CSMD1: variants seen among roughly 807,000 people sequenced by gnomAD.
The protein encoded by CSMD1 is CUB and sushi domain-containing protein 1.
Under a neutral mutation model 417.5 loss-of-function variants are expected in CSMD1, and 213 were observed. That is an observed-to-expected ratio of 0.51 (90% CI 0.46 to 0.57). The LOEUF (loss-of-function observed/expected upper bound fraction) is 0.57. CSMD1 is among the 20% of genes least tolerant of loss of function. CSMD1 has a pLI of 0.00. For missense variants in CSMD1, 6,923 were observed against 4,529.7 expected (o/e 1.53, Z -15.17); for synonymous variants, 2,862 against 1,736.8 (o/e 1.65, Z -16.11).
intron 7 of CSMD1, among the ~76,000 whole-genome samples, chr8:3,674,077 G>A (rs570919124): frequency 4.2e-4 from 64 of 152,186 alleles, no homozygotes; most frequent in African/African-American, 6.3e-4. Context: ...TTGCACTCCA[G>A]CTTGAGTGAC....
At chr8:4,957,634 TG>T (rs1311210900) in intron 1 of CSMD1, among the ~76,000 whole-genome samples, 4 of 152,180 alleles carry the variant, frequency 2.6e-5, no homozygotes, top group African/African-American at 4.8e-5. Flanking sequence ...AAGAAATAAA[TG>T]ATGTTTACCA....
chr8:3,245,742 G>C (rs894995679), intron 26 of CSMD1, among the ~76,000 whole-genome samples: 1 of 152,156 alleles, frequency 6.6e-6, no homozygotes, highest in Non-Finnish European at 1.5e-5. Flanking sequence ...CCCAATTTCT[G>C]GGTGGATCTA....
At chr8:4,750,457 T>C (rs972407610) in intron 1 of CSMD1, among the ~76,000 whole-genome samples, 11 of 152,192 alleles carry the variant, frequency 7.2e-5, no homozygotes, top group Non-Finnish European at 2.9e-5. Context: ...GATTAAATAA[T>C]ATCTAAAACT....
intron 1 of CSMD1, among the ~76,000 whole-genome samples, chr8:4,764,208 G>A (rs148765627): frequency 6.6e-6 from 1 of 152,166 alleles, no homozygotes; most frequent in Non-Finnish European, 1.5e-5. Context: ...GTTTTTCAGA[G>A]GTAGATAATA....
intron 55 of CSMD1, among the ~76,000 whole-genome samples, chr8:2,976,879 G>C (rs1322229460): frequency 1.3e-5 from 2 of 151,478 alleles, no homozygotes; most frequent in Non-Finnish European, 2.9e-5. Context: ...ATATATTCTT[G>C]CTAATCTTCA....
chr8:4,825,920 G>C (rs1230656801), intron 1 of CSMD1, among the ~76,000 whole-genome samples: 4 of 149,908 alleles, frequency 2.7e-5, no homozygotes, highest in African/African-American at 9.7e-5. Context: ...AGAAAATGCA[G>C]ATCAAAAAAC....
intron 1 of CSMD1, among the ~76,000 whole-genome samples, chr8:4,814,667 A>G (rs1054316296): frequency 2.6e-5 from 4 of 152,192 alleles, no homozygotes; most frequent in African/African-American, 9.6e-5. Flanking sequence ...GACTTGGTGT[A>G]TATGGGTGAA....
chr8:3,032,490 C>G (rs1021602123), intron 50 of CSMD1, among the ~76,000 whole-genome samples: 12 of 152,020 alleles, frequency 7.9e-5, no homozygotes, highest in African/African-American at 2.7e-4. Context: ...CAAAGAATGT[C>G]CTTTATCTTG....
intron 7 of CSMD1, among the ~76,000 whole-genome samples, chr8:3,619,838 T>A (rs1379395846): frequency 6.6e-6 from 1 of 152,146 alleles, no homozygotes; most frequent in Non-Finnish European, 1.5e-5. Flanking sequence ...TCAATAGAAT[T>A]TGTATTTAAT....
chr8:4,584,055 T>C (rs1383157852), intron 2 of CSMD1, among the ~76,000 whole-genome samples: 1 of 150,888 alleles, frequency 6.6e-6, no homozygotes, highest in South Asian at 2.1e-4. Context: ...ACTACGAAGG[T>C]CTGCAGTTTC....
intron 2 of CSMD1, among the ~76,000 whole-genome samples, chr8:4,601,715 A>T (rs2130765923): frequency 6.6e-6 from 1 of 152,328 alleles, no homozygotes; most frequent in Non-Finnish European, 1.5e-5. Flanking sequence ...CACTCACGGC[A>T]TTATGACTTA....
At chr8:3,795,127 GTACAGCTATAGA>G (rs1223044360) in intron 5 of CSMD1, among the ~76,000 whole-genome samples, 16 of 73,804 alleles carry the variant, frequency 2.2e-4, no homozygotes, top group Admixed American at 5.9e-4. Context: ...TATCTATCAT[GTACAGCTATAGA>G]TATCTATCAT....
intron 1 of CSMD1, among the ~76,000 whole-genome samples, chr8:4,746,327 T>C (rs751328017): frequency 4.0e-4 from 61 of 152,318 alleles, no homozygotes; most frequent in Non-Finnish European, 7.9e-4. Context: ...ATAGCGACTG[T>C]AGGCACTTTG....
intron 1 of CSMD1, among the ~76,000 whole-genome samples, chr8:4,811,587 G>A (rs368123225): frequency 1.5e-3 from 225 of 152,060 alleles, no homozygotes; most frequent in African/African-American, 5.3e-3. Context: ...TCATCCTTTG[G>A]CAATAATTAA....
chr8:3,817,690 T>A (rs1485807302), intron 5 of CSMD1, among the ~76,000 whole-genome samples: 1 of 152,148 alleles, frequency 6.6e-6, no homozygotes, highest in Non-Finnish European at 1.5e-5. Flanking sequence ...ACTTTCCACT[T>A]CTCTACTCTC....
intron 1 of CSMD1, among the ~76,000 whole-genome samples, chr8:4,852,880 G>A (rs1264526694): frequency 6.6e-6 from 1 of 152,138 alleles, no homozygotes; most frequent in Non-Finnish European, 1.5e-5. Context: ...ATTGTTTTCA[G>A]GCCCTAGGAA....
intron 5 of CSMD1, among the ~76,000 whole-genome samples, chr8:3,782,621 T>C (rs1799242931): frequency 6.6e-6 from 1 of 152,216 alleles, no homozygotes; most frequent in South Asian, 2.1e-4. Context: ...GTTGTGCACA[T>C]GTACCCTAGA....
At chr8:3,773,101 G>C (rs982920091) in intron 5 of CSMD1, among the ~76,000 whole-genome samples, 1 of 151,962 alleles carries the variant, frequency 6.6e-6, no homozygotes, top group African/African-American at 2.4e-5. Flanking sequence ...CACTCACGAG[G>C]GCTCTGTCCT....
chr8:4,661,420 T>C (rs11986622), intron 1 of CSMD1, among the ~76,000 whole-genome samples: 2,087 of 152,242 alleles, frequency 0.014, 45 homozygotes, highest in African/African-American at 0.048. Context: ...TCGATTTTTA[T>C]AACATTTTTG....
Sources: gnomAD v4.1 joint callset for allele counts (sites outside exome capture counted in the v4.1 genomes callset) on GRCh38, gnomAD v4.1.1 for gene constraint, MANE v1.5 for transcripts, NCBI Gene and HGNC (gene_info 2026-07-23, HGNC 2026-07-21) for gene names.